The following AARS2 variants were observed in gnomAD, a reference collection of about 807,000 sequenced individuals.
AARS2 encodes alanyl-tRNA synthetase 2, mitochondrial, also known as alanine--tRNA ligase, mitochondrial.
Under a neutral mutation model 119.7 loss-of-function variants are expected in AARS2, and 78 were observed. That is an observed-to-expected ratio of 0.65 (90% CI 0.54 to 0.79). The LOEUF is 0.79. Among genes scored for constraint, AARS2 ranks in the 30% least tolerant of loss-of-function variants. The pLI is 0.00. For missense variants in AARS2, 1,157 were observed against 1,291.3 expected (o/e 0.90, Z 1.59); for synonymous variants, 502 against 526.3 (o/e 0.95, Z 0.63).
Position 44,301,277 on chromosome 6 carries a change from A to T in AARS2, c.2683-11T>A. On this transcript the variant is annotated splice_polypyrimidine_tract_variant and intron_variant, in intron 20 of 21. Coordinates refer to ENST00000244571, the MANE Select transcript of AARS2 (RefSeq NM_020745.4). The stretch of plus-strand genomic sequence containing the variant: ...CACCTTCACCAGCACCTGGACCACG[A>T]AAGACAGATGGTGAGCCCATCGCTT... 1 of 1,613,868 alleles carries T rather than the reference A, an allele frequency of 6.2e-7. No homozygotes were observed. Among genetic ancestry groups the T allele is most frequent in the South Asian group, 1.1e-5 (1 of 91,070 alleles).
Position 44,312,156 on chromosome 6 carries a change from G to T in AARS2, c.351C>A (p.Asp117Glu), listed in dbSNP as rs1389072709. 2 of 1,614,110 alleles carry T rather than the reference G, an allele frequency of 1.2e-6. No individual in the cohort carries two copies. Among genetic ancestry groups the T allele is most frequent in the Admixed American group, 1.7e-5 (1 of 60,012 alleles). ...KCVRAGGHHN[D>E]LEDVGRDLSH... ...AAAGGTCTCGACCCACATCTTCCAGGTCGTTATGGTGTCCTCCAGCTCTCA... is the reference window on the plus strand; with the variant it reads ...AAAGGTCTCGACCCACATCTTCCAGTTCGTTATGGTGTCCTCCAGCTCTCA... The change falls in exon 2 of 22, where the codon GAC becomes GAA. Residue 117 changes from aspartate to glutamate, a missense_variant. By Grantham distance (45) the Asp-to-Glu change is conservative. Transcript: ENST00000244571.
At chr6:44,303,992 T>G (rs2153354288) in intron 14 of AARS2, among the ~76,000 whole-genome samples, 189 bp downstream of exon 14, 1 of 152,172 alleles carries the variant, frequency 6.6e-6, no homozygotes. Flanking sequence ...CCCCAGACAC[T>G]CTGTAGCCTG....
intron 2 of AARS2, 61 bp downstream of exon 2, chr6:44,312,011 A>G: frequency 3.2e-6 from 5 of 1,587,240 alleles, no homozygotes; most frequent in Non-Finnish European, 4.3e-6. Flanking sequence ...AGCAGACAGT[A>G]CAATGGAAAC....
chr6:44,302,128 G>A lies in AARS2; in HGVS notation c.2530C>T (p.Leu844=), dbSNP rs1391906297. The change falls in exon 19 of 22, where the codon CTG becomes TTG. Residue 844 remains leucine (L), a synonymous_variant. Coordinates refer to ENST00000244571, the MANE Select transcript of AARS2 (RefSeq NM_020745.4). ...AVMPQWQRRE[L]LATVKMLQRR... Reference sequence around the variant, plus strand: ...TGCAGCATCTTCACTGTGGCCAGCAGCTCCCGCCGCTGCCACTGGGGCATC... The same window carrying A: ...TGCAGCATCTTCACTGTGGCCAGCAACTCCCGCCGCTGCCACTGGGGCATC... 8 of 1,612,914 alleles carry A rather than the reference G, an allele frequency of 5.0e-6. No homozygotes were observed. Among genetic ancestry groups the A allele is most frequent in the African/African-American group, 1.3e-5 (1 of 74,924 alleles).
intron 7 of AARS2, 53 bp from the exon 8 acceptor site, chr6:44,306,585 C>T (rs1785873529): frequency 6.2e-7 from 1 of 1,606,850 alleles, no homozygotes; most frequent in East Asian, 2.2e-5. Flanking sequence ...AACCCACCCC[C>T]ACCTCCCCAC....
At chr6:44,312,005 G>A (rs558404684) in intron 2 of AARS2, 67 bp downstream of exon 2, 42 of 1,579,046 alleles carry the variant, frequency 2.7e-5, no homozygotes, top group South Asian at 1.0e-4. Flanking sequence ...TGCCTAAGCA[G>A]ACAGTACAAT....
chr6:44,300,379 C>G lies in AARS2; in HGVS notation c.*168G>C. 3.2e-6 allele frequency: 3 copies of G among 925,604 alleles called. No individual in the cohort carries two copies. In the South Asian group the frequency reaches 4.4e-5, roughly 14 times the overall value. 57.3% of individuals were successfully genotyped at this position (925,604 alleles called of 1,614,324 possible). The stretch of plus-strand genomic sequence containing the variant: ...TTGGGCCCAGTTCTGCCTTCCCTAG[C>G]CCATGTCTCCTTGTGTCACGTAGGC... On this transcript the variant is annotated 3_prime_UTR_variant, in exon 22 of 22. Transcript: ENST00000244571.
chr6:44,313,159 G>GA lies in AARS2; in HGVS notation c.164_165insT (p.His56ProfsTer61). The GA allele has an allele frequency of 6.2e-7, 1 of 1,613,108 alleles. No individual in the cohort carries two copies. The highest frequency in any genetic ancestry group is 8.5e-7 in the Non-Finnish European group (1 of 1,179,744). ...CGGAAGCGGAGGGCACCAGCCGGTG[G>GA]CCATGGCGGTCCCGAAAGAAGTTCA... On this transcript the variant is annotated frameshift_variant, in exon 1 of 22. Coordinates refer to ENST00000244571, the MANE Select transcript of AARS2 (RefSeq NM_020745.4). LOFTEE classifies it high-confidence loss of function.
chr6:44,310,320 C>A lies in AARS2; in HGVS notation c.873G>T (p.Pro291=), dbSNP rs541970073. 63 of 1,606,740 alleles carry A rather than the reference C, an allele frequency of 3.9e-5. 1 individual carries two copies. The highest frequency in any genetic ancestry group is 5.1e-5 in the Non-Finnish European group (60 of 1,176,502). ...TCACCTGCTGTATGGCGTTGAGCAG[C>A]GGGGAAAAGAGGTCAGTGTCATAGG... ...HSTYDTDLFS[P]LLNAIQQGCR... is the part of the protein sequence containing the mutation. Residue 291 remains proline, a synonymous_variant, in exon 5 of 22, where the codon CCG becomes CCT. Coordinates refer to ENST00000244571, the MANE Select transcript of AARS2 (RefSeq NM_020745.4).
chr6:44,312,327 G>A, intron 1 of AARS2, 64 bp from the exon 2 acceptor site: 5 of 1,526,468 alleles, frequency 3.3e-6, no homozygotes, highest in Non-Finnish European at 4.5e-6. Context: ...AGGGAAATGT[G>A]GGGAGTGAGG....
chr6:44,302,670 G>A, intron 17 of AARS2, 132 bp downstream of exon 17: 1 of 1,459,082 alleles, frequency 6.9e-7, no homozygotes, highest in African/African-American at 1.4e-5. Context: ...GCCAATAGCT[G>A]ATATGGCCAC....
chr6:44,310,993 C>T lies in AARS2; in HGVS notation c.749+1G>A. ...CTCATCCTGCTTCAGCACCCTATTACCTGTTGTGTTGCATGAAGACCAGGT... is the reference window on the plus strand; with the variant it reads ...CTCATCCTGCTTCAGCACCCTATTATCTGTTGTGTTGCATGAAGACCAGGT... On this transcript the variant is annotated splice_donor_variant, in intron 4 of 21. Coordinates refer to ENST00000244571, the MANE Select transcript of AARS2 (RefSeq NM_020745.4). LOFTEE classifies it high-confidence loss of function. The T allele has an allele frequency of 6.2e-7, 1 of 1,613,902 alleles. No individual in the cohort carries two copies. Among genetic ancestry groups the T allele is most frequent in the Non-Finnish European group, 8.5e-7 (1 of 1,180,030 alleles).
At position 44,311,035 on chromosome 6, in the gene AARS2, C is replaced by T. The variant is rs1373446955; in HGVS notation, c.708G>A (p.Gln236=). 9 of 1,613,914 alleles carry T rather than the reference C, an allele frequency of 5.6e-6. No homozygotes were observed. The highest frequency in any genetic ancestry group is 7.6e-6 in the Non-Finnish European group (9 of 1,180,032). The change falls in exon 4 of 22, where the codon CAG becomes CAA. Residue 236 remains glutamine (Q), a synonymous_variant. Coordinates refer to ENST00000244571, the MANE Select transcript of AARS2 (RefSeq NM_020745.4). The part of the protein sequence containing the change: ...YDLAGGVGAP[Q]LVELWNLVFM... ...AGACCAGGTTCCAAAGCTCTACCAGCTGGGGGGCTCCCACCCCACCAGCAA... is the reference window on the plus strand; with the variant it reads ...AGACCAGGTTCCAAAGCTCTACCAGTTGGGGGGCTCCCACCCCACCAGCAA...
In AARS2 at chr6:44,301,204, G is replaced by A. The variant is rs1459538866; in HGVS notation, c.2745C>T (p.Leu915=). 1 of 1,613,768 alleles carries A rather than the reference G, an allele frequency of 6.2e-7. No homozygotes were observed. Among genetic ancestry groups the A allele is most frequent in the Non-Finnish European group, 8.5e-7 (1 of 1,179,994 alleles). Reference sequence around the variant, plus strand: ...GCACCTTCCCCATGGGCTGGGGGCTGAGTAGGAGCACAGACGTGCTGGGGG... The same window carrying A: ...GCACCTTCCCCATGGGCTGGGGGCTAAGTAGGAGCACAGACGTGCTGGGGG... ...EQAPSTSVLL[L]SPQPMGKVLC... is the part of the protein sequence containing the mutation. The change falls in exon 21 of 22, where the codon CTC becomes CTT. Residue 915 remains leucine (L), a synonymous_variant. Transcript: ENST00000244571.
In AARS2 at chr6:44,304,468, GGCTACT is replaced by G. The variant is rs1554148076; in HGVS notation, c.1812_1817del (p.Val605_Ala606del). ...GGTCCCCTAACCGCAGGCACTCAGG[GGCTACT>G]GCCTCATGCAGGATGAAACCTCCAC... On this transcript the variant is annotated inframe_deletion, in exon 13 of 22. Coordinates refer to ENST00000244571, the MANE Select transcript of AARS2 (RefSeq NM_020745.4). 6.2e-7 allele frequency: 1 copy of G among 1,614,038 alleles called. No individual in the cohort carries two copies. The highest frequency in any genetic ancestry group is 8.5e-7 in the Non-Finnish European group (1 of 1,180,030).
At position 44,304,228 on chromosome 6, in the gene AARS2, C is replaced by G; in HGVS notation, c.1960G>C (p.Gly654Arg). The change falls in exon 14 of 22, where the codon GGC becomes CGC. Residue 654 changes from glycine to arginine, a missense_variant. Coordinates refer to ENST00000244571, the MANE Select transcript of AARS2 (RefSeq NM_020745.4). ...QTLGPGTEQQ[G>R]SHLNPEQLRL... ...AGCTGCTCAGGATTGAGATGGGAGCCCTGCTGCTCTGTGCCAGGGCCCAGG... is the reference window on the plus strand; with the variant it reads ...AGCTGCTCAGGATTGAGATGGGAGCGCTGCTGCTCTGTGCCAGGGCCCAGG... The G allele has an allele frequency of 6.2e-7, 1 of 1,614,076 alleles. No individual in the cohort carries two copies.
At chr6:44,310,619 C>T (rs146933961) in intron 4 of AARS2, among the ~76,000 whole-genome samples, 176 bp from the exon 5 acceptor site, 5 of 152,356 alleles carry the variant, frequency 3.3e-5, no homozygotes, top group African/African-American at 4.8e-5. Context: ...GCCTTGGGGT[C>T]CTGTCCTTCC....
chr6:44,310,357 C>T lies in AARS2; in HGVS notation c.836G>A (p.Gly279Asp), dbSNP rs1331272415. ...GLERLVAVLQ[G>D]KHSTYDTDLF... ...GTCAGTGTCATAGGTGGAGTGTTTG[C>T]CTTGCAGCACAGCCACCAGCCTTTC... The change falls in exon 5 of 22, where the codon GGC becomes GAC. Residue 279 changes from glycine to aspartate, a missense_variant. Physicochemically the swap from Gly to Asp is moderately conservative, Grantham distance 94 (BLOSUM62 -1). Coordinates refer to ENST00000244571, the MANE Select transcript of AARS2 (RefSeq NM_020745.4). 1 of 1,613,630 alleles carries T rather than the reference C, an allele frequency of 6.2e-7. No homozygotes were observed.
chr6:44,311,012 A>G lies in AARS2; in HGVS notation c.731T>C (p.Val244Ala), dbSNP rs1786302215. ...APQLVELWNL[V>A]FMQHNREADG... is the part of the protein sequence containing the mutation. ...CTATTACCTGTTGTGTTGCATGAAGACCAGGTTCCAAAGCTCTACCAGCTG... is the reference window on the plus strand; with the variant it reads ...CTATTACCTGTTGTGTTGCATGAAGGCCAGGTTCCAAAGCTCTACCAGCTG... The change falls in exon 4 of 22, where the codon GTC becomes GCC. Residue 244 changes from valine (V) to alanine (A), a missense_variant. By Grantham distance (64) the Val-to-Ala change is moderately conservative. Coordinates refer to ENST00000244571, the MANE Select transcript of AARS2 (RefSeq NM_020745.4). 1.2e-6 allele frequency: 2 copies of G among 1,613,962 alleles called. No individual in the cohort carries two copies. Among genetic ancestry groups the G allele is most frequent in the Non-Finnish European group, 1.7e-6 (2 of 1,180,034 alleles).
Sources: allele counts gnomAD v4.1 joint callset (sites outside exome capture counted in the v4.1 genomes callset), GRCh38; gene constraint gnomAD v4.1.1; transcripts MANE v1.5; gene names NCBI Gene and HGNC (gene_info 2026-07-23, HGNC 2026-07-21).